SMYD3: variants seen among roughly 807,000 people sequenced by gnomAD.
SMYD3 encodes the protein SET and MYND domain containing 3.
A neutral mutation model predicts 57.7 loss-of-function variants in SMYD3; 36 were observed. The ratio of observed to expected loss-of-function variants is 0.62; its 90% CI spans 0.48 to 0.82. SMYD3 has a LOEUF of 0.82. Among genes scored for constraint, SMYD3 ranks in the 40% least tolerant of loss-of-function variants. The probability of loss-of-function intolerance (pLI) is 0.00; values close to 1 mark genes in which losing one functional copy is unlikely to be tolerated. For missense variants in SMYD3, 515 were observed against 538.8 expected, an observed-to-expected ratio of 0.96 and a Z score of 0.44; for synonymous variants, 211 against 195.0, an observed-to-expected ratio of 1.08 and a Z score of -0.68.
intron 5 of SMYD3, among the ~76,000 whole-genome samples, chr1:246,022,673 C>T (rs908592985): frequency 6.6e-6 from 1 of 152,148 alleles, no homozygotes; most frequent in Non-Finnish European, 1.5e-5. Flanking sequence ...GAAAATGTTT[C>T]CAGCAAATTG....
intron 8 of SMYD3, among the ~76,000 whole-genome samples, chr1:245,907,389 C>A (rs1475226074): frequency 6.6e-6 from 1 of 152,072 alleles, no homozygotes; most frequent in Non-Finnish European, 1.5e-5. Context: ...AATTTAAAGT[C>A]AGAGAAAACC....
At chr1:245,874,279 G>T (rs1416570910) in intron 8 of SMYD3, among the ~76,000 whole-genome samples, 1 of 152,150 alleles carries the variant, frequency 6.6e-6, no homozygotes, top group East Asian at 1.9e-4. Flanking sequence ...TATGTATAAT[G>T]ATTATAACAG....
At chr1:245,879,633 G>A (rs889480379) in intron 8 of SMYD3, among the ~76,000 whole-genome samples, 24 of 152,184 alleles carry the variant, frequency 1.6e-4, no homozygotes, top group African/African-American at 5.3e-4. Flanking sequence ...AGCAGAATAG[G>A]AATCTTAGAA....
At chr1:246,182,080 C>G (rs1011227777) in intron 5 of SMYD3, among the ~76,000 whole-genome samples, 1 of 152,160 alleles carries the variant, frequency 6.6e-6, no homozygotes, top group African/African-American at 2.4e-5. Flanking sequence ...GTCTTAAATT[C>G]TGCCAAATTA....
intron 5 of SMYD3, among the ~76,000 whole-genome samples, chr1:246,088,326 C>T (rs1227739337): frequency 6.6e-6 from 1 of 151,970 alleles, no homozygotes; most frequent in Non-Finnish European, 1.5e-5. Flanking sequence ...TTTCTCCCGG[C>T]TTAAAAGTTA....
At chr1:246,100,530 T>G (rs2147931214) in intron 5 of SMYD3, among the ~76,000 whole-genome samples, 1 of 152,292 alleles carries the variant, frequency 6.6e-6, no homozygotes, top group East Asian at 1.9e-4. Context: ...CCCTCCTCCC[T>G]GACTGCTTGC....
At chr1:246,327,101 G>T (rs2148660894) in intron 5 of SMYD3, 100 bp downstream of exon 5, 3 of 1,454,950 alleles carry the variant, frequency 2.1e-6, no homozygotes, top group Non-Finnish European at 2.9e-6. Flanking sequence ...TAAGGGTCTT[G>T]AATTTCCTGT....
At chr1:246,118,367 C>T (rs976723359) in intron 5 of SMYD3, among the ~76,000 whole-genome samples, 2 of 152,142 alleles carry the variant, frequency 1.3e-5, no homozygotes, top group Non-Finnish European at 2.9e-5. Context: ...CAGAACTCAA[C>T]TCCATTCCTC....
intron 5 of SMYD3, among the ~76,000 whole-genome samples, chr1:246,089,249 G>A (rs2060779375): frequency 6.6e-6 from 1 of 152,070 alleles, no homozygotes. Flanking sequence ...AAAGCGCTGG[G>A]ATTACATGTG....
At chr1:246,097,460 G>A (rs2060936137) in intron 5 of SMYD3, among the ~76,000 whole-genome samples, 1 of 152,112 alleles carries the variant, frequency 6.6e-6, no homozygotes, top group Non-Finnish European at 1.5e-5. Flanking sequence ...TGTTTTCCAT[G>A]TAATAAAGGT....
At chr1:246,237,902 T>C (rs2063537010) in intron 5 of SMYD3, among the ~76,000 whole-genome samples, 1 of 152,200 alleles carries the variant, frequency 6.6e-6, no homozygotes, top group Non-Finnish European at 1.5e-5. Flanking sequence ...ATTGATTAAA[T>C]TACCCTTTAA....
chr1:245,756,454 TC>T (rs1371822186), intron 11 of SMYD3, among the ~76,000 whole-genome samples: 1 of 152,126 alleles, frequency 6.6e-6, no homozygotes, highest in Non-Finnish European at 1.5e-5. Flanking sequence ...CCATATTCTT[TC>T]TTCTTTCCTG....
intron 1 of SMYD3, among the ~76,000 whole-genome samples, chr1:246,433,665 GA>G (rs934167257): frequency 6.6e-6 from 1 of 151,936 alleles, no homozygotes; most frequent in African/African-American, 2.4e-5. Context: ...GCTCCGTCTC[GA>G]AAAAATAAAT....
chr1:245,786,747 C>G (rs1318828794), intron 10 of SMYD3, among the ~76,000 whole-genome samples: 1 of 151,186 alleles, frequency 6.6e-6, no homozygotes, highest in East Asian at 1.9e-4. Flanking sequence ...AATGTGAAAC[C>G]AATGAATCTG....
At chr1:246,493,396 A>C (rs2068301845) in intron 1 of SMYD3, among the ~76,000 whole-genome samples, 1 of 152,176 alleles carries the variant, frequency 6.6e-6, no homozygotes, top group Non-Finnish European at 1.5e-5. Context: ...CTTAAAAAGG[A>C]TGTCAGAAAT....
chr1:245,956,219 C>G (rs2057836324), intron 5 of SMYD3: 1 of 216,342 alleles, frequency 4.6e-6, no homozygotes, highest in Non-Finnish European at 7.9e-6. Context: ...TATTCAGCCT[C>G]TTGGTATTTT....
rs551337457 is a variant in SMYD3, at chr1:246,273,410, A to G, written c.531+53791T>C. 5.9e-4 allele frequency among the ~76,000 whole-genome samples: 90 copies of G among 151,750 alleles called. 1 individual carries two copies. In the South Asian group the frequency reaches 0.017, roughly 29 times the overall value. ...AGTGACCCACCCACCTCGGCCTCCC[A>G]AAGTGCTGGGATTACAGGCATGAGC... On this transcript the variant is annotated intron_variant, in intron 5 of 11. Transcript: ENST00000490107.
chr1:246,398,768 T>C (rs1015193704), intron 1 of SMYD3, among the ~76,000 whole-genome samples: 1 of 152,004 alleles, frequency 6.6e-6, no homozygotes, highest in Non-Finnish European at 1.5e-5. Context: ...GTATGCACAA[T>C]GGAGGAAGAT....
At chr1:245,929,476 A>C (rs75135824) in intron 6 of SMYD3, among the ~76,000 whole-genome samples, 367 of 152,304 alleles carry the variant, frequency 2.4e-3, no homozygotes, top group African/African-American at 8.7e-3. Flanking sequence ...AGAGTGTGCC[A>C]ACTCGAAAGA....
Sources: gnomAD v4.1 joint callset for allele counts (sites outside exome capture counted in the v4.1 genomes callset) on GRCh38, gnomAD v4.1.1 for gene constraint, MANE v1.5 for transcripts, NCBI Gene and HGNC (gene_info 2026-07-23, HGNC 2026-07-21) for gene names.